Variants in PTPRQ observed in about 807,000 individuals in gnomAD.
The protein encoded by PTPRQ is phosphatidylinositol phosphatase PTPRQ.
PTPRQ carries 199 observed loss-of-function variants against 246.0 expected under a neutral mutation model. The observed-to-expected ratio is 0.81, with a 90% CI of 0.72 to 0.91. PTPRQ has a LOEUF of 0.91. PTPRQ is among the 40% of genes least tolerant of loss of function. The probability of loss-of-function intolerance (pLI) is 0.00; values close to 1 mark genes in which losing one functional copy is unlikely to be tolerated. For synonymous variants in PTPRQ, 869 were observed against 853.2 expected, an observed-to-expected ratio of 1.02 and a Z score of -0.32; for missense variants, 2,624 against 2,528.4, an observed-to-expected ratio of 1.04 and a Z score of -0.81.
At chr12:80,459,140 A>G (rs1893068019) in intron 4 of PTPRQ, 144 bp from the exon 5 acceptor site, 1 of 392,786 alleles carries the variant, frequency 2.5e-6, no homozygotes, top group African/African-American at 2.1e-5. Flanking sequence ...GGCAAAGTTC[A>G]GTTAAATACA....
chr12:80,602,152 A>G (rs1898167067), intron 26 of PTPRQ, among the ~76,000 whole-genome samples: 1 of 151,766 alleles, frequency 6.6e-6, no homozygotes, highest in African/African-American at 2.4e-5. Context: ...TAGGAAGAGT[A>G]TCTTTGTCAC....
At chr12:80,670,193 T>A (rs1900924229) in intron 41 of PTPRQ, 151 bp from the exon 42 acceptor site, 1 of 1,107,626 alleles carries the variant, frequency 9.0e-7, no homozygotes, top group East Asian at 2.8e-5. Context: ...ACAATAAAAA[T>A]CTCTCTTATA....
chr12:80,457,993 GA>G (rs1235427255), intron 4 of PTPRQ, among the ~76,000 whole-genome samples: 1 of 151,970 alleles, frequency 6.6e-6, no homozygotes, highest in Non-Finnish European at 1.5e-5. Flanking sequence ...ATACATTAAT[GA>G]AAATAAGCTT....
chr12:80,673,382 T>C, intron 43 of PTPRQ, 78 bp downstream of exon 43: 1 of 1,503,120 alleles, frequency 6.7e-7, no homozygotes, highest in Non-Finnish European at 8.9e-7. Flanking sequence ...GCAATCTGGA[T>C]GGACATGAGC....
chr12:80,468,073 A>AT (rs1893498350), intron 6 of PTPRQ, among the ~76,000 whole-genome samples: 1 of 152,202 alleles, frequency 6.6e-6, no homozygotes, highest in Non-Finnish European at 1.5e-5. Context: ...CTAGACAATA[A>AT]TTTTGTTTTG....
intron 14 of PTPRQ, among the ~76,000 whole-genome samples, chr12:80,502,868 G>A (rs542947243): frequency 6.6e-6 from 1 of 151,958 alleles, no homozygotes; most frequent in South Asian, 2.1e-4. Flanking sequence ...GAATTATAGA[G>A]ATAAAGAAAT....
At chr12:80,499,590 G>A (rs955602135) in intron 14 of PTPRQ, among the ~76,000 whole-genome samples, 3 of 151,802 alleles carry the variant, frequency 2.0e-5, no homozygotes, top group African/African-American at 2.4e-5. Flanking sequence ...CTTCAATATT[G>A]TTTCATGAGA....
intron 25 of PTPRQ, among the ~76,000 whole-genome samples, chr12:80,551,357 A>G (rs375935294): frequency 2.6e-5 from 4 of 152,162 alleles, no homozygotes; most frequent in African/African-American, 9.6e-5. Context: ...GGGCTCTGCA[A>G]TTTGCCCCTT....
At chr12:80,459,139 C>A (rs1351153071) in intron 4 of PTPRQ, 145 bp from the exon 5 acceptor site, 1 of 392,324 alleles carries the variant, frequency 2.5e-6, no homozygotes, top group African/African-American at 2.1e-5. Flanking sequence ...AGGCAAAGTT[C>A]AGTTAAATAC....
In PTPRQ at chr12:80,635,073, G is replaced by A. The variant is rs1314753637; in HGVS notation, c.5915G>A (p.Arg1972Gln). ...DLELKDERLTRLLSYRKSIKP... is the reference protein window; with the variant it reads ...DLELKDERLTQLLSYRKSIKP... ...GAACTGAAGGACGAGAGATTAACGC[G>A]GTGAGCACACTCCTCTGGGTGAACT... Residue 1972 changes from arginine (R) to glutamine (Q), a missense_variant and splice_region_variant, in exon 35 of 45, where the codon CGG (arginine) becomes CAG (glutamine). By Grantham distance (43) the Arg-to-Gln change is conservative (BLOSUM62 1). Coordinates refer to ENST00000644991, the MANE Select transcript of PTPRQ (RefSeq NM_001145026.2). 1.9e-6 allele frequency: 3 copies of A among 1,550,344 alleles called. No individual in the cohort carries two copies. Among genetic ancestry groups the A allele is most frequent in the East Asian group, 2.4e-5 (1 of 40,838 alleles).
chr12:80,671,190 G>T (rs181571107), intron 42 of PTPRQ, among the ~76,000 whole-genome samples: 1 of 151,734 alleles, frequency 6.6e-6, no homozygotes, highest in African/African-American at 2.4e-5. Flanking sequence ...AGACTAATAC[G>T]TAAATGCTTG....
At chr12:80,645,633 TACA>T (rs1438864666) in intron 35 of PTPRQ, among the ~76,000 whole-genome samples, 1 of 151,934 alleles carries the variant, frequency 6.6e-6, no homozygotes, top group Non-Finnish European at 1.5e-5. Flanking sequence ...ATAGCCATAA[TACA>T]ACATAGAAGA....
intron 23 of PTPRQ, among the ~76,000 whole-genome samples, chr12:80,544,798 C>T (rs764006716): frequency 8.6e-5 from 13 of 151,874 alleles, no homozygotes; most frequent in Non-Finnish European, 1.5e-4. Flanking sequence ...TTTTTCTATT[C>T]TTTTTCTTCT....
intron 14 of PTPRQ, among the ~76,000 whole-genome samples, chr12:80,496,906 G>A (rs1469396606): frequency 6.6e-6 from 1 of 151,946 alleles, no homozygotes; most frequent in Non-Finnish European, 1.5e-5. Context: ...TATGTGTATA[G>A]ATAGTGATGC....
intron 35 of PTPRQ, among the ~76,000 whole-genome samples, chr12:80,642,418 A>G (rs1288146376): frequency 6.6e-6 from 1 of 152,164 alleles, no homozygotes; most frequent in African/African-American, 2.4e-5. Flanking sequence ...AACAATGCCC[A>G]TGGTTTTCAT....
chr12:80,636,727 T>C (rs1366308199), intron 35 of PTPRQ, among the ~76,000 whole-genome samples: 1 of 152,212 alleles, frequency 6.6e-6, no homozygotes, highest in African/African-American at 2.4e-5. Flanking sequence ...GTTAAAAGAA[T>C]ACTTAGTAGC....
Position 80,528,395 on chromosome 12 carries a change from A to G in PTPRQ, c.2679-5620A>G, listed in dbSNP as rs910839410. On this transcript the variant is annotated intron_variant, in intron 17 of 44. Coordinates refer to ENST00000644991, the MANE Select transcript of PTPRQ (RefSeq NM_001145026.2). ...TTTGTCACCTTCATATTTCCATCAC[A>G]GAGTATAATAACTTATATTTTAGGC... 2.6e-5 allele frequency among the ~76,000 whole-genome samples: 4 copies of G among 152,296 alleles called. No homozygotes were observed. The East Asian group carries it at 7.7e-4, about 29-fold the overall frequency.
At chr12:80,642,736 C>T (rs1899910911) in intron 35 of PTPRQ, among the ~76,000 whole-genome samples, 2 of 150,362 alleles carry the variant, frequency 1.3e-5, no homozygotes, top group South Asian at 4.2e-4. Flanking sequence ...CCGGCTAAAA[C>T]GGTGAAACCC....
Position 80,652,824 on chromosome 12 carries a change from C to G in PTPRQ, c.6105C>G (p.Asn2035Lys). ...PWNRAKNRFPNIKPYNNNRVK... is the reference protein window; with the variant it reads ...PWNRAKNRFPKIKPYNNNRVK... ...ATAGAGCAAAAAACCGCTTCCCAAA[C>G]ATAAAACCATGTATGTGCATTTGTT... Residue 2035 changes from asparagine (N) to lysine (K), a missense_variant, in exon 38 of 45, where the codon AAC (asparagine) becomes AAG (lysine). Physicochemically the swap from Asn to Lys is moderately conservative, Grantham distance 94. Coordinates refer to ENST00000644991, the MANE Select transcript of PTPRQ (RefSeq NM_001145026.2). The G allele has an allele frequency of 6.6e-7, 1 of 1,503,978 alleles. No homozygotes were observed. The highest frequency in any genetic ancestry group is 8.9e-7 in the Non-Finnish European group (1 of 1,126,588). 93.2% of individuals were successfully genotyped at this position (1,503,978 alleles called of 1,614,324 possible).
Sources: allele counts gnomAD v4.1 joint callset (sites outside exome capture counted in the v4.1 genomes callset), GRCh38; gene constraint gnomAD v4.1.1; transcripts MANE v1.5; gene names NCBI Gene and HGNC (gene_info 2026-07-23, HGNC 2026-07-21).